AMPD3: variants seen among roughly 807,000 people sequenced by gnomAD.
The protein encoded by AMPD3 is AMP deaminase 3.
Under a neutral mutation model 82.3 loss-of-function variants are expected in AMPD3, and 57 were observed. The ratio of observed to expected loss-of-function variants is 0.69; its 90% confidence interval spans 0.56 to 0.86. The LOEUF is 0.86. Ranked by LOEUF, AMPD3 falls within the 40% of genes least tolerant of loss-of-function variation. The pLI is 0.00. For synonymous variants in AMPD3, 381 were observed against 394.7 expected (o/e 0.97, Z 0.41); for missense variants, 870 against 1,003.8 (o/e 0.87, Z 1.80).
intron 2 of AMPD3, among the ~76,000 whole-genome samples, chr11:10,465,796 C>T (rs1263178685): frequency 6.6e-6 from 1 of 151,242 alleles, no homozygotes; most frequent in Non-Finnish European, 1.5e-5. Flanking sequence ...GCCATTCAGG[C>T]AGACACTGAA....
At chr11:10,501,990 T>C (rs1849594070) in intron 12 of AMPD3, 2 of 985,324 alleles carry the variant, frequency 2.0e-6, no homozygotes, top group African/African-American at 1.7e-5. Flanking sequence ...TATGCTCCTT[T>C]TTCCAAAGGC....
At chr11:10,467,881 G>T (rs11522665) in intron 2 of AMPD3, among the ~76,000 whole-genome samples, 3,607 of 152,276 alleles carry the variant, frequency 0.024, 59 homozygotes, top group Middle Eastern at 0.054. Context: ...TTGAAGAAAA[G>T]AATTTTCAAC....
chr11:10,452,842 A>G (rs2133801100), upstream of AMPD3, among the ~76,000 whole-genome samples: 1 of 152,308 alleles, frequency 6.6e-6, no homozygotes, highest in South Asian at 2.1e-4. Flanking sequence ...TCCACACTTC[A>G]TAGGGAATAA....
rs1849712723 is a variant in AMPD3, at chr11:10,506,234, C to G, written c.*350C>G. On this transcript the variant is annotated 3_prime_UTR_variant, in exon 15 of 15. Transcript: ENST00000396553. This position sits in a 1 kb window ranked among gnomAD's most constrained non-coding sequence, Gnocchi z 4.1. ...AAGTAACATGTGGTTTTCTGCCATA[C>G]TTTTCTCCATTGGCCCAGGTAGGCT... 2.1e-5 allele frequency: 7 copies of G among 329,084 alleles called. No individual in the cohort carries two copies. The highest frequency in any genetic ancestry group is 1.9e-4 in the South Asian group (7 of 35,972). The allele number at this position is 329,084 out of a possible 1,614,324, so 20.4% of individuals were successfully genotyped here. A position where few individuals can be genotyped will look rare whatever the true frequency, so the allele number is the denominator to read the frequency against.
intron 2 of AMPD3, among the ~76,000 whole-genome samples, chr11:10,473,196 G>A (rs531122122): frequency 2.0e-5 from 3 of 152,320 alleles, no homozygotes; most frequent in African/African-American, 7.2e-5. Context: ...CTTGAACCCA[G>A]GAGCTGGAGG....
Position 10,506,217 on chromosome 11 carries a change from T to G in AMPD3, c.*333T>G. On this transcript the variant is annotated 3_prime_UTR_variant, in exon 15 of 15. Coordinates refer to ENST00000396553, the MANE Select transcript of AMPD3 (RefSeq NM_001025389.2). This position sits in a 1 kb window ranked among gnomAD's most constrained non-coding sequence, Gnocchi z 4.1. ...TTCCCTGGTCAGATGCCAAGTAACA[T>G]GTGGTTTTCTGCCATACTTTTCTCC... 1 of 352,250 alleles carries G rather than the reference T, an allele frequency of 2.8e-6. No individual in the cohort carries two copies. Among genetic ancestry groups the G allele is most frequent in the Non-Finnish European group, 5.4e-6 (1 of 184,408 alleles). The allele number at this position is 352,250 out of a possible 1,614,324, so 21.8% of individuals were successfully genotyped here.
chr11:10,500,360 A>C, intron 11 of AMPD3, 111 bp downstream of exon 11: 2 of 1,400,212 alleles, frequency 1.4e-6, no homozygotes, highest in Non-Finnish European at 2.0e-6. Flanking sequence ...GTGCACCTGA[A>C]CCAACATGCA....
At chr11:10,503,380 G>A (rs1385646834) in intron 13 of AMPD3, among the ~76,000 whole-genome samples, 1 of 152,210 alleles carries the variant, frequency 6.6e-6, no homozygotes, top group African/African-American at 2.4e-5. Context: ...GAAGCTAACA[G>A]TGGTGTCATG....
At chr11:10,493,791 GT>G (rs778246726) in intron 7 of AMPD3, 2 of 578,432 alleles carry the variant, frequency 3.5e-6, no homozygotes, top group Non-Finnish European at 6.2e-6. Context: ...CCACTTAGGA[GT>G]TTTGTGCCCT....
chr11:10,494,646 G>A, intron 7 of AMPD3: 1 of 985,418 alleles, frequency 1.0e-6, no homozygotes, highest in Non-Finnish European at 1.2e-6. Context: ...CATGTCCTGA[G>A]CCGAGCTGTG....
At chr11:10,470,173 T>C (rs1848548177) in intron 2 of AMPD3, among the ~76,000 whole-genome samples, 1 of 152,064 alleles carries the variant, frequency 6.6e-6, no homozygotes, top group Non-Finnish European at 1.5e-5. Flanking sequence ...TGCAAATCAA[T>C]CAGCGTAATC....
At chr11:10,462,508 C>T (rs1028769012) in intron 2 of AMPD3, among the ~76,000 whole-genome samples, 2 of 152,142 alleles carry the variant, frequency 1.3e-5, no homozygotes, top group Non-Finnish European at 2.9e-5. Flanking sequence ...TGCAGAGATG[C>T]CTCCCAAGGC....
intron 7 of AMPD3, among the ~76,000 whole-genome samples, chr11:10,494,070 T>A (rs992061762): frequency 3.3e-5 from 5 of 152,190 alleles, no homozygotes; most frequent in African/African-American, 1.2e-4. Flanking sequence ...AGCCAACAGA[T>A]AGAAACAGCC....
intron 2 of AMPD3, chr11:10,477,957 C>G (rs903145457): frequency 2.0e-6 from 2 of 985,326 alleles, no homozygotes; most frequent in Non-Finnish European, 2.4e-6. Flanking sequence ...AGCACTGTCT[C>G]GACTCCTTTG....
intron 7 of AMPD3, 124 bp downstream of exon 7, chr11:10,493,667 C>G (rs572983243): frequency 2.3e-5 from 25 of 1,100,362 alleles, no homozygotes; most frequent in Middle Eastern, 3.9e-4. Flanking sequence ...TCTCTTCTAT[C>G]TGACTGAGAG....
At chr11:10,479,330 C>T (rs1009741761) in intron 3 of AMPD3, among the ~76,000 whole-genome samples, 9 of 152,180 alleles carry the variant, frequency 5.9e-5, no homozygotes, top group Non-Finnish European at 1.5e-5. Context: ...AGAGAAATAT[C>T]ACTGAGTTAG....
In AMPD3 at chr11:10,484,900, A is replaced by G. The variant is rs767419200; in HGVS notation, c.670A>G (p.Met224Val). 3.3e-5 allele frequency: 54 copies of G among 1,613,954 alleles called. No individual in the cohort carries two copies. Among genetic ancestry groups the G allele is most frequent in the Admixed American group, 1.2e-4 (7 of 60,002 alleles). The change falls in exon 5 of 15, where the codon ATG becomes GTG. Residue 224 changes from methionine to valine, a missense_variant. Met to Val is a conservative substitution (Grantham distance 21). Transcript: ENST00000396553. ...CCCCAACCTGGATTACTTGGTCCAC[A>G]TGCAGGGGGGCATCCTCTTTGTGTA... is the stretch of plus-strand genomic sequence containing the variant. Reference protein sequence around the residue: ...APPNLDYLVHMQGGILFVYDN... With the variant: ...APPNLDYLVHVQGGILFVYDN...
Position 10,496,931 on chromosome 11 carries a change from T to G in AMPD3, c.1550T>G (p.Leu517Arg), listed in dbSNP as rs765631548. 25 of 1,613,920 alleles carry G rather than the reference T, an allele frequency of 1.5e-5. No homozygotes were observed. In the East Asian group the frequency reaches 5.1e-4, roughly 33 times the overall value. ...PQDHRELHLF[L>R]KYVTGFDSVD... is the part of the protein sequence containing the mutation. ...GATCATCGAGAGCTTCACCTCTTCC[T>G]TAAATATGTAAGTGTGGGTGGTGCC... Residue 517 changes from leucine to arginine, a missense_variant, in exon 10 of 15, where the codon CTT (leucine) becomes CGT (arginine). Transcript: ENST00000396553.
rs777313112 is a variant in AMPD3, at chr11:10,501,499, G to A, written c.1751G>A (p.Arg584Gln). 1.2e-5 allele frequency: 20 copies of A among 1,613,954 alleles called. No individual in the cohort carries two copies. Among genetic ancestry groups the A allele is most frequent in the Admixed American group, 1.7e-5 (1 of 60,000 alleles). The change falls in exon 12 of 15, where the codon CGG (arginine) becomes CAG (glutamine). Residue 584 changes from arginine (R) to glutamine (Q), a missense_variant. Arg to Gln is a conservative substitution (Grantham distance 43). Transcript: ENST00000396553. ...RERGLSTFLFRPHCGEAGSIT... is the reference protein window; with the variant it reads ...RERGLSTFLFQPHCGEAGSIT... ...CGCGGCCTGAGCACGTTCCTGTTCCGGCCGCACTGTGGGGAAGCCGGCTCC... is the reference window on the plus strand; with the variant it reads ...CGCGGCCTGAGCACGTTCCTGTTCCAGCCGCACTGTGGGGAAGCCGGCTCC...
Sources: allele counts gnomAD v4.1 joint callset (sites outside exome capture counted in the v4.1 genomes callset), GRCh38; gene constraint gnomAD v4.1.1; non-coding constraint Gnocchi (gnomAD v3.1); transcripts MANE v1.5; gene names NCBI Gene and HGNC (gene_info 2026-07-23, HGNC 2026-07-21).